The following RERE variants were observed in gnomAD, a reference collection of about 807,000 sequenced individuals.
The protein encoded by RERE is arginine-glutamic acid dipeptide repeats, also known as arginine-glutamic acid dipeptide repeats protein.
In RERE, 40 loss-of-function variants were observed where a neutral mutation model predicts 146.1. The observed-to-expected ratio is 0.27, with a 90% CI of 0.21 to 0.36. RERE has a LOEUF of 0.36. Ranked by LOEUF, RERE falls within the 10% of genes least tolerant of loss-of-function variation. The pLI is 1.00. For missense variants in RERE, 1,933 were observed against 2,138.7 expected, an observed-to-expected ratio of 0.90 and a Z score of 1.90; for synonymous variants, 1,003 against 866.0, an observed-to-expected ratio of 1.16 and a Z score of -2.78.
chr1:8,412,939 T>C (rs1557618921), intron 12 of RERE, among the ~76,000 whole-genome samples: 1 of 152,250 alleles, frequency 6.6e-6, no homozygotes, highest in Non-Finnish European at 1.5e-5. Context: ...CTTTGTAAGC[T>C]TCCTATGACT....
chr1:8,649,555 C>A (rs1647498169), intron 2 of RERE, among the ~76,000 whole-genome samples: 1 of 151,894 alleles, frequency 6.6e-6, no homozygotes, highest in Non-Finnish European at 1.5e-5. Context: ...CATGGTGAAA[C>A]CCTGACTCTA....
chr1:8,771,967 T>G (rs1640961804), intron 1 of RERE, among the ~76,000 whole-genome samples: 1 of 151,370 alleles, frequency 6.6e-6, no homozygotes. Flanking sequence ...TTTTAGAGAC[T>G]TGTGAGAACT....
At chr1:8,768,380 A>G (rs1279055510) in intron 1 of RERE, among the ~76,000 whole-genome samples, 1 of 152,228 alleles carries the variant, frequency 6.6e-6, no homozygotes, top group African/African-American at 2.4e-5. Context: ...TTCATTCATT[A>G]TACTTTAATA....
chr1:8,581,534 TA>T (rs1246989865), intron 4 of RERE, among the ~76,000 whole-genome samples: 1 of 152,218 alleles, frequency 6.6e-6, no homozygotes, highest in Non-Finnish European at 1.5e-5. Context: ...TAAATGAAAG[TA>T]AACACACTCT....
chr1:8,796,170 C>T (rs916155394), intron 1 of RERE, among the ~76,000 whole-genome samples: 1 of 152,134 alleles, frequency 6.6e-6, no homozygotes, highest in South Asian at 2.1e-4. Context: ...CATCTTGATT[C>T]AAATGGGCAC....
chr1:8,718,270 AT>A (rs1358308895), intron 1 of RERE, among the ~76,000 whole-genome samples: 1 of 152,240 alleles, frequency 6.6e-6, no homozygotes, highest in East Asian at 1.9e-4. Flanking sequence ...AAGCCGTTAG[AT>A]TTCTAGAACT....
chr1:8,475,549 G>A (rs1644745143), intron 10 of RERE, among the ~76,000 whole-genome samples: 1 of 151,642 alleles, frequency 6.6e-6, no homozygotes, highest in African/African-American at 2.4e-5. Flanking sequence ...GGGCATGGTA[G>A]TGTGTGCCCA....
chr1:8,485,733 A>G (rs2124196846), intron 10 of RERE, among the ~76,000 whole-genome samples: 1 of 152,154 alleles, frequency 6.6e-6, no homozygotes, highest in Middle Eastern at 3.4e-3. Flanking sequence ...CTAATAACCA[A>G]CTTCAAATAT....
chr1:8,766,234 T>G (rs192992652), intron 1 of RERE, among the ~76,000 whole-genome samples: 176 of 152,198 alleles, frequency 1.2e-3, no homozygotes, highest in Non-Finnish European at 2.1e-3. Context: ...TTGGAATCTA[T>G]AAAGTAATTC....
rs1399866236 is a variant in RERE at position 8,360,497 on chromosome 1, G to A, written c.3010C>T (p.Pro1004Ser). 2 of 1,382,324 alleles carry A rather than the reference G, an allele frequency of 1.4e-6. No homozygotes were observed. The highest frequency in any genetic ancestry group is 2.7e-4 in the Middle Eastern group (1 of 3,758). 85.6% of individuals were successfully genotyped at this position (1,382,324 alleles called of 1,614,324 possible). ...TTCTGGCTCTGGGTCAGCCCGGGGG[G>A]CTGGGCGGGCGAGGAGGGCAATGGC... ...SQPLPSSPAQ[P>S]PGLTQSQNLP... Residue 1004 changes from proline (P) to serine (S), a missense_variant, in exon 18 of 23, where the codon CCC (proline) becomes TCC (serine). Physicochemically the swap from Pro to Ser is moderately conservative, Grantham distance 74. Around this residue, in one of 11 missense-constraint regions of RERE, gnomAD observed 1,255 missense variants for 1,153.8 expected, o/e 1.09. Transcript: ENST00000400908.
chr1:8,499,465 C>T (rs1339318414), intron 8 of RERE, among the ~76,000 whole-genome samples: 4 of 152,152 alleles, frequency 2.6e-5, no homozygotes, highest in South Asian at 2.1e-4. Context: ...GAGATAGAAC[C>T]GCCCCATCCA....
chr1:8,598,589 G>C (rs866751446), intron 4 of RERE, among the ~76,000 whole-genome samples: 3 of 152,150 alleles, frequency 2.0e-5, no homozygotes, highest in Middle Eastern at 3.2e-3. Context: ...TCCACACACA[G>C]AAACCACATC....
At chr1:8,794,570 T>C (rs1380295932) in intron 1 of RERE, among the ~76,000 whole-genome samples, 1 of 151,918 alleles carries the variant, frequency 6.6e-6, no homozygotes, top group Non-Finnish European at 1.5e-5. Flanking sequence ...TACAGATTTC[T>C]GGGACTGAAA....
rs58993452 is a variant in RERE at position 8,789,282 on chromosome 1, C to CAAAA, written c.-145+27874_-145+27877dup. Among the ~76,000 whole-genome samples the CAAAA allele has an allele frequency of 1.8e-4, 7 of 38,494 alleles. 1 individual carries two copies. Among genetic ancestry groups the CAAAA allele is most frequent in the African/African-American group, 1.3e-3 (7 of 5,396 alleles). The allele number at this position is 38,494 out of a possible 152,430, so 25.3% of individuals were successfully genotyped here. On this transcript the variant is annotated intron_variant, in intron 1 of 22. Transcript: ENST00000400908. ...CAACACAGCAAGACCTCCTCTCTAC[C>CAAAA]AAAAAAAAAAAAAAAAAAAATATAT...
intron 1 of RERE, among the ~76,000 whole-genome samples, chr1:8,741,071 C>T (rs1640297450): frequency 6.6e-6 from 1 of 152,216 alleles, no homozygotes; most frequent in Non-Finnish European, 1.5e-5. Context: ...AGCATCACCA[C>T]ACACATGAGT....
At chr1:8,377,081 AAAAT>A (rs1642281289) in intron 12 of RERE, among the ~76,000 whole-genome samples, 2 of 152,202 alleles carry the variant, frequency 1.3e-5, no homozygotes, top group Admixed American at 6.5e-5. Flanking sequence ...AAATAATTTA[AAAAT>A]AAATAAATAA....
At chr1:8,537,013 G>A (rs1352557014) in intron 7 of RERE, among the ~76,000 whole-genome samples, 1 of 152,054 alleles carries the variant, frequency 6.6e-6, no homozygotes, top group Non-Finnish European at 1.5e-5. Context: ...GACCAGCCTG[G>A]GGAACATAGT....
At chr1:8,561,025 T>C (rs2124432636) in intron 4 of RERE, among the ~76,000 whole-genome samples, 1 of 152,348 alleles carries the variant, frequency 6.6e-6, no homozygotes, top group South Asian at 2.1e-4. Context: ...TTGTACAATG[T>C]CTATCTTTCA....
chr1:8,578,191 C>T (rs1646319934), intron 4 of RERE, among the ~76,000 whole-genome samples: 1 of 152,114 alleles, frequency 6.6e-6, no homozygotes, highest in Admixed American at 6.5e-5. Flanking sequence ...TTTATCATAA[C>T]ATATTTTGTC....
Sources: allele counts gnomAD v4.1 joint callset (sites outside exome capture counted in the v4.1 genomes callset), GRCh38; gene constraint gnomAD v4.1.1; regional missense constraint gnomAD v4.1.1; transcripts MANE v1.5; gene names NCBI Gene and HGNC (gene_info 2026-07-23, HGNC 2026-07-21).